Variants in PCDH15 observed in about 807,000 individuals in gnomAD.
PCDH15 encodes the protein protocadherin related 15.
In PCDH15, 129 loss-of-function variants were observed where a neutral mutation model predicts 178.5. That is an observed-to-expected ratio of 0.72 (90% confidence interval 0.63 to 0.84). The LOEUF (loss-of-function observed/expected upper bound fraction) is 0.84. Among genes scored for constraint, PCDH15 ranks in the 40% least tolerant of loss-of-function variants. PCDH15 has a pLI of 0.00. For synonymous variants in PCDH15, 800 were observed against 732.0 expected, an observed-to-expected ratio of 1.09 and a Z score of -1.50; for missense variants, 2,230 against 2,099.9, an observed-to-expected ratio of 1.06 and a Z score of -1.21.
intron 13 of PCDH15, among the ~76,000 whole-genome samples, chr10:54,172,028 T>C (rs1162888018): frequency 2.0e-5 from 3 of 151,948 alleles, no homozygotes; most frequent in African/African-American, 7.3e-5. Flanking sequence ...TTTTGTTTTA[T>C]TTTTCTTATT....
intron 2 of PCDH15, among the ~76,000 whole-genome samples, chr10:54,613,925 G>A (rs577327885): frequency 3.8e-4 from 58 of 151,522 alleles, no homozygotes; most frequent in Admixed American, 2.2e-3. Flanking sequence ...AGGAGACAAC[G>A]AACTCCCAGA....
chr10:54,714,787 A>AAACTTCACAGGACTCCTGTTTTATTTTG (rs2095460910), intron 1 of PCDH15, among the ~76,000 whole-genome samples: 2 of 152,120 alleles, frequency 1.3e-5, no homozygotes, highest in Non-Finnish European at 2.9e-5. Context: ...CCCAAACTAT[A>AAACTTCACAGGACTCCTGTTTTATTTTG]ACCTTTTGAG....
chr10:54,557,871 G>T (rs1469231581), intron 2 of PCDH15, among the ~76,000 whole-genome samples: 1 of 151,984 alleles, frequency 6.6e-6, no homozygotes, highest in Non-Finnish European at 1.5e-5. Flanking sequence ...CCATTGTATT[G>T]CTTTAATTTA....
At chr10:54,653,049 T>C (rs1406750558) in intron 2 of PCDH15, among the ~76,000 whole-genome samples, 1 of 152,226 alleles carries the variant, frequency 6.6e-6, no homozygotes, top group Non-Finnish European at 1.5e-5. Context: ...ATAGGTATTG[T>C]ATGCTTTGCC....
rs990480980 is a variant in PCDH15, at chr10:54,141,668, T to C, written c.1785-8661A>G. On this transcript the variant is annotated intron_variant, in intron 14 of 37. Coordinates refer to ENST00000644397, the MANE Select transcript of PCDH15 (RefSeq NM_001384140.1). ...ACTATTAACATTAAGTGACACTCAATTGAATTAGGTAGTAATTGCTTTAAA... is the reference window on the plus strand; with the variant it reads ...ACTATTAACATTAAGTGACACTCAACTGAATTAGGTAGTAATTGCTTTAAA... 3.9e-5 allele frequency among the ~76,000 whole-genome samples: 6 copies of C among 152,202 alleles called. No individual in the cohort carries two copies. The East Asian group carries it at 1.2e-3, about 29-fold the overall frequency.
At chr10:55,615,686 A>G (rs1471091853) in intron 2 of PCDH15, among the ~76,000 whole-genome samples, 3 of 152,220 alleles carry the variant, frequency 2.0e-5, no homozygotes, top group Middle Eastern at 6.8e-3. Flanking sequence ...TGGGCAACAT[A>G]GTGGGATTCT....
intron 1 of PCDH15, among the ~76,000 whole-genome samples, chr10:55,253,550 C>G (rs1841902716): frequency 6.6e-6 from 1 of 151,890 alleles, no homozygotes; most frequent in African/African-American, 2.4e-5. Context: ...TGTAACTTTA[C>G]TAATACAGAA....
intron 5 of PCDH15, among the ~76,000 whole-genome samples, chr10:54,352,264 C>A (rs1203969265): frequency 3.9e-5 from 6 of 152,076 alleles, no homozygotes; most frequent in Non-Finnish European, 8.8e-5. Flanking sequence ...AAACAGAAAC[C>A]ATATGAGAGT....
chr10:55,582,698 C>A (rs1201995768), intron 2 of PCDH15, among the ~76,000 whole-genome samples: 1 of 144,930 alleles, frequency 6.9e-6, no homozygotes, highest in African/African-American at 2.5e-5. Context: ...CAGCCAACCA[C>A]AAAAATCCTT....
intron 4 of PCDH15, among the ~76,000 whole-genome samples, chr10:54,378,124 T>C (rs1398401475): frequency 1.3e-5 from 2 of 151,846 alleles, no homozygotes; most frequent in Non-Finnish European, 2.9e-5. Flanking sequence ...AGAGTCTTAC[T>C]CTATTTGCCA....
chr10:54,854,252 G>A (rs928382076), intron 3 of PCDH15, among the ~76,000 whole-genome samples: 1 of 152,136 alleles, frequency 6.6e-6, no homozygotes, highest in African/African-American at 2.4e-5. Context: ...GAAACTCCAG[G>A]GCCCCAAAGA....
chr10:54,302,610 T>C (rs186189057), intron 8 of PCDH15, among the ~76,000 whole-genome samples: 2 of 152,300 alleles, frequency 1.3e-5, no homozygotes, highest in African/African-American at 4.8e-5. Context: ...TATCTTAGAA[T>C]GCCAACCTCC....
At chr10:54,587,520 C>T (rs1198466527) in intron 2 of PCDH15, among the ~76,000 whole-genome samples, 1 of 137,186 alleles carries the variant, frequency 7.3e-6, no homozygotes, top group Non-Finnish European at 1.6e-5. Context: ...CCAGCAAAAA[C>T]CCAAACACAC....
intron 2 of PCDH15, among the ~76,000 whole-genome samples, chr10:55,624,471 G>A (rs964561273): frequency 6.6e-6 from 1 of 150,468 alleles, no homozygotes; most frequent in African/African-American, 2.5e-5. Context: ...TAAGACAACT[G>A]GGAAATGTCA....
rs1265847024 is a variant in PCDH15, at chr10:55,606,787, A to G, written c.-156+20838T>C. On this transcript the variant is annotated intron_variant, in intron 2 of 5. Coordinates refer to the PCDH15 transcript ENST00000613346. ...ACTTAAACATTAGACCTAAAACCAT[A>G]AAAACCCTAGAAGAAAACCTAGGCA... is the stretch of plus-strand genomic sequence containing the variant. Among the ~76,000 whole-genome samples the G allele has an allele frequency of 4.8e-5, 7 of 147,114 alleles. No individual in the cohort carries two copies. In the East Asian group the frequency reaches 1.4e-3, roughly 29 times the overall value.
chr10:55,186,915 C>A lies in PCDH15; in HGVS notation c.-155-20264G>T, dbSNP rs547102621. Among the ~76,000 whole-genome samples, 8 of 151,840 alleles carry A rather than the reference C, an allele frequency of 5.3e-5. No individual in the cohort carries two copies. In the South Asian group the frequency reaches 1.5e-3, roughly 28 times the overall value. On this transcript the variant is annotated intron_variant, in intron 1 of 5. Coordinates refer to the PCDH15 transcript ENST00000458638. ...TTGGTATAGAGTTATGAAAGTCATT[C>A]TTTATATCAGTATAGTGTGGGAAGA...
intron 2 of PCDH15, among the ~76,000 whole-genome samples, chr10:54,959,484 A>G (rs969368595): frequency 3.9e-5 from 6 of 152,060 alleles, no homozygotes; most frequent in African/African-American, 1.4e-4. Flanking sequence ...TTTAAGGTGA[A>G]AAGGTTAAGC....
chr10:54,328,297 A>G (rs1419550360), intron 7 of PCDH15, among the ~76,000 whole-genome samples: 1 of 151,944 alleles, frequency 6.6e-6, no homozygotes, highest in African/African-American at 2.4e-5. Context: ...ATTTCTCCAT[A>G]CTTTTTATAT....
chr10:54,714,837 C>T (rs2095461593), intron 1 of PCDH15, among the ~76,000 whole-genome samples: 4 of 152,054 alleles, frequency 2.6e-5, no homozygotes, highest in Non-Finnish European at 5.9e-5. Flanking sequence ...GTATTCTATT[C>T]ACTTAATGTT....
Sources: gnomAD v4.1 joint callset for allele counts (sites outside exome capture counted in the v4.1 genomes callset) on GRCh38, gnomAD v4.1.1 for gene constraint, MANE v1.5 for transcripts, NCBI Gene and HGNC (gene_info 2026-07-23, HGNC 2026-07-21) for gene names.